The following KAZN variants were observed in gnomAD, a reference collection of about 807,000 sequenced individuals.
KAZN encodes the protein kazrin, periplakin interacting protein.
KAZN carries 40 observed loss-of-function variants against 87.4 expected under a neutral mutation model. That is an observed-to-expected ratio of 0.46 (90% CI 0.36 to 0.60). KAZN has a LOEUF of 0.60. Ranked by LOEUF, KAZN falls within the 20% of genes least tolerant of loss-of-function variation. KAZN has a pLI of 0.00. For synonymous variants in KAZN, 466 were observed against 458.3 expected (o/e 1.02, Z -0.22); for missense variants, 898 against 1,073.9 (o/e 0.84, Z 2.29).
chr1:14,415,547 CT>C (rs948573489), intron 2 of KAZN, among the ~76,000 whole-genome samples: 2 of 152,158 alleles, frequency 1.3e-5, no homozygotes. Context: ...CCACTGAAGT[CT>C]GTGCTGCCCC....
chr1:14,162,914 A>G (rs951748130), intron 1 of KAZN, among the ~76,000 whole-genome samples: 1 of 151,972 alleles, frequency 6.6e-6, no homozygotes, highest in African/African-American at 2.4e-5. Flanking sequence ...CCATTTCCTA[A>G]TTTTAGTCCT....
chr1:14,388,956 A>C (rs1662187337), intron 2 of KAZN, among the ~76,000 whole-genome samples: 1 of 152,236 alleles, frequency 6.6e-6, no homozygotes, highest in South Asian at 2.1e-4. Flanking sequence ...CCATTTCACA[A>C]GGGATTAATA....
chr1:13,912,212 T>G (rs1282510666), intron 1 of KAZN, among the ~76,000 whole-genome samples: 1 of 152,172 alleles, frequency 6.6e-6, no homozygotes. Flanking sequence ...CAAATCTTAT[T>G]ATTGGTGAGC....
At chr1:14,078,767 C>T (rs1222666185) in intron 1 of KAZN, among the ~76,000 whole-genome samples, 1 of 152,186 alleles carries the variant, frequency 6.6e-6, no homozygotes, top group Non-Finnish European at 1.5e-5. Context: ...TCACTGCAAA[C>T]TCTGCCTCCT....
chr1:15,059,579 A>G (rs1638606196), intron 5 of KAZN, among the ~76,000 whole-genome samples: 1 of 152,110 alleles, frequency 6.6e-6, no homozygotes, highest in South Asian at 2.1e-4. Flanking sequence ...GGCGAGAGTC[A>G]GTGGTGGCAA....
chr1:14,715,856 G>A (rs1180918968), intron 1 of KAZN, among the ~76,000 whole-genome samples: 5 of 152,288 alleles, frequency 3.3e-5, no homozygotes, highest in Middle Eastern at 6.8e-3. Flanking sequence ...GACGCAGGCC[G>A]CGGTGGTTGA....
intron 1 of KAZN, among the ~76,000 whole-genome samples, chr1:14,805,258 C>A (rs984288693): frequency 6.6e-5 from 10 of 152,244 alleles, no homozygotes; most frequent in South Asian, 2.1e-4. Context: ...ATTCCTTCTG[C>A]TTTGTTGCTG....
intron 1 of KAZN, among the ~76,000 whole-genome samples, chr1:14,111,600 T>C (rs1193383568): frequency 7.4e-6 from 1 of 134,354 alleles, no homozygotes; most frequent in Non-Finnish European, 1.6e-5. Flanking sequence ...GAGGGTTGCA[T>C]GTGCACCTTG....
intron 1 of KAZN, among the ~76,000 whole-genome samples, chr1:14,067,755 C>T (rs1447627517): frequency 6.6e-6 from 1 of 152,156 alleles, no homozygotes; most frequent in Admixed American, 6.5e-5. Flanking sequence ...TAGTTAAAAA[C>T]CTTGAAAGTT....
At chr1:14,819,706 C>CT (rs775752838) in intron 1 of KAZN, among the ~76,000 whole-genome samples, 33,046 of 117,456 alleles carry the variant, frequency 0.28, 5,880 homozygotes, top group East Asian at 0.51. Context: ...GAAAAAAAAT[C>CT]TTTTTTTTTT....
Position 14,488,043 on chromosome 1 carries a change from A to T in KAZN, c.250-110940A>T, listed in dbSNP as rs544573279. ...AGCTTTGAGAGTATCCCCAGCACCT[A>T]ACACAATATCCTAGCATATTGGATG... On this transcript the variant is annotated intron_variant, in intron 2 of 16. Transcript: ENST00000636203. Among the ~76,000 whole-genome samples the T allele has an allele frequency of 1.2e-4, 18 of 152,316 alleles. No individual in the cohort carries two copies. The South Asian group carries it at 3.7e-3, about 32-fold the overall frequency.
chr1:14,089,894 C>T (rs1643936426), intron 1 of KAZN, among the ~76,000 whole-genome samples: 1 of 152,130 alleles, frequency 6.6e-6, no homozygotes, highest in Non-Finnish European at 1.5e-5. Flanking sequence ...ATATTTTTAG[C>T]TCACTATAGA....
At chr1:14,016,889 C>T (rs1472644490) in intron 1 of KAZN, among the ~76,000 whole-genome samples, 1 of 152,122 alleles carries the variant, frequency 6.6e-6, no homozygotes, top group East Asian at 1.9e-4. Flanking sequence ...TTTGTATGTG[C>T]ATTTGGGATT....
chr1:13,968,411 G>T (rs1188322811), intron 1 of KAZN, among the ~76,000 whole-genome samples: 1 of 152,180 alleles, frequency 6.6e-6, no homozygotes, highest in Admixed American at 6.5e-5. Flanking sequence ...GGCAAAATGG[G>T]CTTGAAGCCA....
chr1:14,005,851 C>T (rs1041791913), intron 1 of KAZN, among the ~76,000 whole-genome samples: 6 of 152,168 alleles, frequency 3.9e-5, no homozygotes, highest in Admixed American at 6.5e-5. Flanking sequence ...TATCAATGGA[C>T]TCACTGGCCT....
intron 2 of KAZN, among the ~76,000 whole-genome samples, chr1:14,370,693 CTTT>C: frequency 6.6e-6 from 1 of 152,250 alleles, no homozygotes; most frequent in Admixed American, 6.5e-5. Flanking sequence ...TGTATCTTCT[CTTT>C]TTTATTTAAG....
intron 1 of KAZN, among the ~76,000 whole-genome samples, chr1:14,746,896 G>A (rs10927528): frequency 0.019 from 2,895 of 152,252 alleles, 114 homozygotes; most frequent in African/African-American, 0.066. Context: ...TAAGTCTACA[G>A]TCCAGTAGCT....
chr1:14,793,649 C>T (rs1314184572), intron 1 of KAZN, among the ~76,000 whole-genome samples: 1 of 152,216 alleles, frequency 6.6e-6, no homozygotes, highest in African/African-American at 2.4e-5. Flanking sequence ...TAAATGTTTG[C>T]TTTCATTCTT....
chr1:14,299,828 C>T (rs528913015), intron 2 of KAZN, among the ~76,000 whole-genome samples: 33 of 152,284 alleles, frequency 2.2e-4, no homozygotes, highest in African/African-American at 6.7e-4. Flanking sequence ...CAAAGCAAGT[C>T]GCATGGCCAA....
Sources: allele counts gnomAD v4.1 joint callset (sites outside exome capture counted in the v4.1 genomes callset), GRCh38; gene constraint gnomAD v4.1.1; transcripts MANE v1.5; gene names NCBI Gene and HGNC (gene_info 2026-07-23, HGNC 2026-07-21).